PCLO: variants seen among roughly 807,000 people sequenced by gnomAD.
PCLO encodes the protein piccolo presynaptic cytomatrix protein, also known as protein piccolo.
PCLO carries 82 observed loss-of-function variants against 427.5 expected under a neutral mutation model. That is an observed-to-expected ratio of 0.19 (90% CI 0.16 to 0.23). The LOEUF is 0.23. Ranked by LOEUF, PCLO falls within the 10% of genes least tolerant of loss-of-function variation. PCLO has a pLI of 1.00. For missense variants in PCLO, 6,239 were observed against 6,115.9 expected, an observed-to-expected ratio of 1.02 and a Z score of -0.67; for synonymous variants, 2,357 against 2,155.4, an observed-to-expected ratio of 1.09 and a Z score of -2.59.
At chr7:82,931,843 G>A (rs781432352) in intron 6 of PCLO, among the ~76,000 whole-genome samples, 3 of 151,964 alleles carry the variant, frequency 2.0e-5, no homozygotes, top group East Asian at 3.9e-4. Context: ...TAAAGAGAGG[G>A]GACTCCACAA....
At chr7:83,015,539 T>C (rs751819325) in intron 3 of PCLO, among the ~76,000 whole-genome samples, 4 of 152,176 alleles carry the variant, frequency 2.6e-5, no homozygotes, top group Non-Finnish European at 4.4e-5. Context: ...ACACACATTT[T>C]GATAATAAAA....
At chr7:82,876,319 C>T (rs532078357) in intron 10 of PCLO, among the ~76,000 whole-genome samples, 6 of 151,984 alleles carry the variant, frequency 3.9e-5, no homozygotes, top group East Asian at 1.9e-4. Flanking sequence ...CATGATAATG[C>T]CTCACATCAG....
chr7:83,017,044 C>T (rs1287486863), intron 3 of PCLO, among the ~76,000 whole-genome samples: 3 of 151,688 alleles, frequency 2.0e-5, no homozygotes, highest in Middle Eastern at 3.4e-3. Context: ...TGAAAGAGAA[C>T]AAGAAAGGGG....
intron 22 of PCLO, among the ~76,000 whole-genome samples, chr7:82,789,397 C>T (rs944418469): frequency 6.6e-6 from 1 of 152,114 alleles, no homozygotes; most frequent in South Asian, 2.1e-4. Flanking sequence ...ATGTCATTAT[C>T]TATATAAAGC....
Position 83,038,025 on chromosome 7 carries a change from A to ATTTATATT in PCLO, c.3301-71539_3301-71538insAATATAAA, listed in dbSNP as rs1291771119. Among the ~76,000 whole-genome samples, 20 of 49,088 alleles carry ATTTATATT rather than the reference A, an allele frequency of 4.1e-4. 4 individuals carry two copies. Among genetic ancestry groups the ATTTATATT allele is most frequent in the African/African-American group, 2.3e-3 (15 of 6,568 alleles). The allele number at this position is 49,088 out of a possible 152,430, so 32.2% of individuals were successfully genotyped here. Reference sequence around the variant, plus strand: ...TATATATATATATATATATATATATATATATTTATATATTTATATATATAT... The same window carrying ATTTATATT: ...TATATATATATATATATATATATATATTTATATTTATATTTATATATTTATATATATAT... On this transcript the variant is annotated intron_variant, in intron 3 of 24. Transcript: ENST00000333891.
chr7:83,093,049 T>C lies in PCLO; in HGVS notation c.3300+41201A>G, dbSNP rs1029845172. On this transcript the variant is annotated intron_variant, in intron 3 of 24. Coordinates refer to ENST00000333891, the MANE Select transcript of PCLO (RefSeq NM_033026.6). ...ATTATGTCTACTGAATTCATGACTA[T>C]TGCTAGGCTCAGAAATTAGAATATT... Among the ~76,000 whole-genome samples the C allele has an allele frequency of 2.6e-5, 4 of 151,950 alleles. No homozygotes were observed. In the East Asian group the frequency reaches 5.8e-4, roughly 22 times the overall value.
At chr7:83,094,171 A>C (rs1055262774) in intron 3 of PCLO, among the ~76,000 whole-genome samples, 3 of 149,016 alleles carry the variant, frequency 2.0e-5, no homozygotes, top group Admixed American at 6.7e-5. Context: ...TATAGATGGA[A>C]TTGTAAAGTA....
chr7:82,765,434 G>A (rs1287346642), intron 22 of PCLO, among the ~76,000 whole-genome samples: 2 of 151,694 alleles, frequency 1.3e-5, no homozygotes, highest in Non-Finnish European at 2.9e-5. Context: ...CAGAAAAAAA[G>A]TAGATAAAAT....
At chr7:82,911,486 A>G (rs1363673684) in intron 7 of PCLO, among the ~76,000 whole-genome samples, 1 of 152,126 alleles carries the variant, frequency 6.6e-6, no homozygotes, top group Non-Finnish European at 1.5e-5. Flanking sequence ...CCTAAAAGTA[A>G]AATACAAATA....
At chr7:82,817,085 T>G (rs1791692640) in intron 20 of PCLO, among the ~76,000 whole-genome samples, 1 of 152,184 alleles carries the variant, frequency 6.6e-6, no homozygotes, top group Non-Finnish European at 1.5e-5. Context: ...CATTTTGATT[T>G]TCACAGACAA....
intron 6 of PCLO, among the ~76,000 whole-genome samples, chr7:82,918,005 C>T (rs1376096742): frequency 3.3e-5 from 5 of 151,762 alleles, no homozygotes; most frequent in African/African-American, 1.2e-4. Context: ...CTTCATGTAA[C>T]CCTACTAGTT....
chr7:83,139,976 A>C (rs1192463348), intron 2 of PCLO, among the ~76,000 whole-genome samples: 1 of 152,202 alleles, frequency 6.6e-6, no homozygotes, highest in Non-Finnish European at 1.5e-5. Context: ...ACTGACAAAA[A>C]GACAAAAGAA....
At position 83,073,684 on chromosome 7, in the gene PCLO, G is replaced by A. The variant is rs1789874910; in HGVS notation, c.3300+60566C>T. Among the ~76,000 whole-genome samples, 7 of 151,816 alleles carry A rather than the reference G, an allele frequency of 4.6e-5. No homozygotes were observed. The South Asian group carries it at 1.4e-3, about 31-fold the overall frequency. ...AGGAAGTACCTAGTATTACTGTAAT[G>A]CAACTACAGATGCTGTGATATTATA... On this transcript the variant is annotated intron_variant, in intron 3 of 24. Transcript: ENST00000333891.
chr7:82,906,585 A>T (rs1490302296), intron 8 of PCLO, among the ~76,000 whole-genome samples: 1 of 152,098 alleles, frequency 6.6e-6, no homozygotes, highest in African/African-American at 2.4e-5. Context: ...TTTAGAAAAA[A>T]TGATAAAGAA....
At chr7:83,036,331 T>C (rs1788794136) in intron 3 of PCLO, among the ~76,000 whole-genome samples, 1 of 152,178 alleles carries the variant, frequency 6.6e-6, no homozygotes, top group Admixed American at 6.6e-5. Flanking sequence ...ATTCTAAGAA[T>C]TTCCCAAGTG....
chr7:83,100,559 A>C (rs1484771970), intron 3 of PCLO, among the ~76,000 whole-genome samples: 1 of 152,178 alleles, frequency 6.6e-6, no homozygotes, highest in Non-Finnish European at 1.5e-5. Flanking sequence ...CAGAAACAGA[A>C]AACCAAATAC....
chr7:83,074,716 T>A (rs1422761805), intron 3 of PCLO, among the ~76,000 whole-genome samples: 1 of 152,148 alleles, frequency 6.6e-6, no homozygotes, highest in African/African-American at 2.4e-5. Flanking sequence ...CAAAAGGTGA[T>A]ACTTCAAAAA....
chr7:83,073,196 CA>C (rs1416534707), intron 3 of PCLO, among the ~76,000 whole-genome samples: 1 of 151,810 alleles, frequency 6.6e-6, no homozygotes, highest in African/African-American at 2.4e-5. Context: ...AGATAATATA[CA>C]ATATTAAAAA....
intron 3 of PCLO, among the ~76,000 whole-genome samples, chr7:83,063,687 C>T (rs773418966): frequency 1.3e-5 from 2 of 152,148 alleles, no homozygotes; most frequent in Admixed American, 1.3e-4. Context: ...GGATGTAACC[C>T]CATTAGGGGA....
Sources: gnomAD v4.1 joint callset for allele counts (sites outside exome capture counted in the v4.1 genomes callset) on GRCh38, gnomAD v4.1.1 for gene constraint, MANE v1.5 for transcripts, NCBI Gene and HGNC (gene_info 2026-07-23, HGNC 2026-07-21) for gene names.